The following NLRC5 variants were observed in gnomAD, a reference collection of about 807,000 sequenced individuals.
The protein encoded by NLRC5 is protein NLRC5.
A neutral mutation model predicts 206.9 loss-of-function variants in NLRC5; 114 were observed. The ratio of observed to expected loss-of-function variants is 0.55; its 90% CI spans 0.47 to 0.64. The LOEUF (loss-of-function observed/expected upper bound fraction) is 0.64. NLRC5 is among the 30% of genes least tolerant of loss of function. NLRC5 has a pLI of 0.00. For missense variants in NLRC5, 2,008 were observed against 2,305.5 expected (o/e 0.87, Z 2.64); for synonymous variants, 952 against 962.8 (o/e 0.99, Z 0.21).
At position 57,065,587 on chromosome 16, in the gene NLRC5, C is replaced by T. The variant is rs531478280; in HGVS notation, c.4241+289C>T. Among the ~76,000 whole-genome samples, 4 of 152,218 alleles carry T rather than the reference C, an allele frequency of 2.6e-5. No individual in the cohort carries two copies. The East Asian group carries it at 7.7e-4, about 29-fold the overall frequency. Reference sequence around the variant, plus strand: ...GTCCACGCTGGTTGCTTGGAAGTGGCCCCCCAGATGCAGTAACACACATTA... The same window carrying T: ...GTCCACGCTGGTTGCTTGGAAGTGGTCCCCCAGATGCAGTAACACACATTA... On this transcript the variant is annotated intron_variant, in intron 33 of 48. Coordinates refer to ENST00000688547, the MANE Select transcript of NLRC5 (RefSeq NM_001384950.1).
In NLRC5 at chr16:57,025,739, T is replaced by C. The variant is rs1260724292; in HGVS notation, c.796T>C (p.Leu266=). ...CCTTTTTGAATTCCGCCAGCTCAAC[T>C]TGATCACGAGGTTCCTGACACCGTC... ...LFLFEFRQLN[L]ITRFLTPSEL... is the part of the protein sequence containing the mutation. The change falls in exon 6 of 49, where the codon TTG becomes CTG. Residue 266 remains leucine (L), a synonymous_variant. Transcript: ENST00000688547. 1 of 1,614,208 alleles carries C rather than the reference T, an allele frequency of 6.2e-7. No individual in the cohort carries two copies. The highest frequency in any genetic ancestry group is 8.5e-7 in the Non-Finnish European group (1 of 1,180,024).
Position 57,082,737 on chromosome 16 carries a change from C to T in NLRC5, c.*209C>T, listed in dbSNP as rs1223266005. ...TGGGTCTGGACAAAGGAGTACCCTGCATTACGTGGGATATGTGTGATCAAT... is the reference window on the plus strand; with the variant it reads ...TGGGTCTGGACAAAGGAGTACCCTGTATTACGTGGGATATGTGTGATCAAT... On this transcript the variant is annotated 3_prime_UTR_variant, in exon 49 of 49. Transcript: ENST00000688547. 2 of 521,662 alleles carry T rather than the reference C, an allele frequency of 3.8e-6. No homozygotes were observed. Among genetic ancestry groups the T allele is most frequent in the Admixed American group, 3.5e-5 (1 of 28,764 alleles). The allele number at this position is 521,662 out of a possible 1,614,324, so 32.3% of individuals were successfully genotyped here.
intron 13 of NLRC5, among the ~76,000 whole-genome samples, chr16:57,035,438 C>G (rs754786334): frequency 6.6e-6 from 1 of 152,116 alleles, no homozygotes; most frequent in Non-Finnish European, 1.5e-5. Flanking sequence ...CAGAACCCTG[C>G]CCCCAGCCTC....
rs78845475 is a variant in NLRC5, at chr16:57,079,379, T to G, written c.5237+87T>G. ...ACTGAGCCTAACACCTGGGGAGGCC[T>G]TTGAAGTGATAGAAGCCCCAGGGAT... is the stretch of plus-strand genomic sequence containing the variant. On this transcript the variant is annotated intron_variant, in intron 45 of 48. Coordinates refer to ENST00000688547, the MANE Select transcript of NLRC5 (RefSeq NM_001384950.1). 2.5e-3 allele frequency: 3,653 copies of G among 1,481,044 alleles called. 47 individuals carry two copies. The African/African-American group carries it at 0.033, about 13-fold the overall frequency. The allele number at this position is 1,481,044 out of a possible 1,614,324, so 91.7% of individuals were successfully genotyped here. A position where few individuals can be genotyped will look rare whatever the true frequency, so the allele number is the denominator to read the frequency against.
At chr16:57,040,916 GC>G (rs1396258576) in intron 17 of NLRC5, among the ~76,000 whole-genome samples, 198 bp downstream of exon 17, 12 of 151,066 alleles carry the variant, frequency 7.9e-5, no homozygotes, top group Admixed American at 7.9e-4. Context: ...TCACAAGGCA[GC>G]CCCGTCAACC....
intron 46 of NLRC5, among the ~76,000 whole-genome samples, chr16:57,080,531 C>G (rs1206805527): frequency 3.8e-5 from 5 of 130,204 alleles, no homozygotes; most frequent in Non-Finnish European, 4.6e-5. Context: ...GTTACCCAGG[C>G]TGGAGTGCAG....
At chr16:57,075,268 G>A (rs976480993) in intron 39 of NLRC5, among the ~76,000 whole-genome samples, 6 of 151,462 alleles carry the variant, frequency 4.0e-5, no homozygotes, top group East Asian at 1.9e-4. Flanking sequence ...TGCCCAGGCT[G>A]GAGTGCAATG....
intron 39 of NLRC5, 78 bp from the exon 40 acceptor site, chr16:57,076,741 C>A: frequency 7.3e-7 from 1 of 1,361,582 alleles, no homozygotes; most frequent in Non-Finnish European, 1.1e-6. Context: ...GCTTTGCAAA[C>A]TGTAGAGTTC....
chr16:57,070,946 T>G (rs1198355723), intron 38 of NLRC5, among the ~76,000 whole-genome samples: 1 of 122,212 alleles, frequency 8.2e-6, no homozygotes, highest in Admixed American at 8.2e-5. Context: ...TGAGTTGTGT[T>G]GGTGGTTAAT....
At chr16:57,048,639 T>C (rs1423437156) in intron 23 of NLRC5, among the ~76,000 whole-genome samples, 6 of 152,166 alleles carry the variant, frequency 3.9e-5, no homozygotes, top group African/African-American at 1.4e-4. Flanking sequence ...GTTCAAGCAA[T>C]TCTCCTGCCT....
intron 19 of NLRC5, among the ~76,000 whole-genome samples, chr16:57,043,299 T>A (rs2063517811): frequency 6.6e-6 from 1 of 152,146 alleles, no homozygotes; most frequent in Non-Finnish European, 1.5e-5. Flanking sequence ...GTCACCAACA[T>A]GTCTCATAAC....
chr16:57,020,847 C>A lies in NLRC5; in HGVS notation c.135C>A (p.Asn45Lys). 6.2e-7 allele frequency: 1 copy of A among 1,613,622 alleles called. No homozygotes were observed. Among genetic ancestry groups the A allele is most frequent in the South Asian group, 1.1e-5 (1 of 91,034 alleles). The change falls in exon 3 of 49, where the codon AAC becomes AAA. Residue 45 changes from asparagine to lysine, a missense_variant. Asn to Lys is a moderately conservative substitution (Grantham distance 94). Coordinates refer to ENST00000688547, the MANE Select transcript of NLRC5 (RefSeq NM_001384950.1). The part of the protein sequence containing the change: ...FLPNTDLDSR[N>K]ETLDPEQRVI... Reference sequence around the variant, plus strand: ...CCAACACGGACCTGGATTCCAGGAACGAGACCTTGGACCCTGAACAGAGAG... The same window carrying A: ...CCAACACGGACCTGGATTCCAGGAAAGAGACCTTGGACCCTGAACAGAGAG...
chr16:57,079,524 C>T, intron 45 of NLRC5, 22 bp from the exon 46 acceptor site: 2 of 1,606,766 alleles, frequency 1.2e-6, no homozygotes, highest in Non-Finnish European at 8.5e-7. Context: ...CCATCCCATC[C>T]CATGCCCTTC....
At chr16:57,010,499 G>C (rs1266368748) in intron 1 of NLRC5, among the ~76,000 whole-genome samples, 2 of 152,074 alleles carry the variant, frequency 1.3e-5, no homozygotes, top group Non-Finnish European at 2.9e-5. Flanking sequence ...ACAGCCTCCC[G>C]ATTAGCTGGG....
rs1431527547 is a variant in NLRC5 at position 57,020,787 on chromosome 16, A to T, written c.75A>T (p.Pro25=). The change falls in exon 3 of 49, where the codon CCA becomes CCT. Residue 25 remains proline (P), a synonymous_variant. Transcript: ENST00000688547. ...SCLVRLLTKD[P]EWLNAKMKFF... ...TTGTGAGGCTGCTCACCAAAGACCCAGAATGGCTGAACGCCAAGATGAAGT... is the reference window on the plus strand; with the variant it reads ...TTGTGAGGCTGCTCACCAAAGACCCTGAATGGCTGAACGCCAAGATGAAGT... 6 of 1,613,244 alleles carry T rather than the reference A, an allele frequency of 3.7e-6. No homozygotes were observed. Among genetic ancestry groups the T allele is most frequent in the Non-Finnish European group, 5.1e-6 (6 of 1,179,894 alleles).
intron 38 of NLRC5, among the ~76,000 whole-genome samples, chr16:57,073,648 C>T (rs149627): frequency 0.56 from 84,875 of 151,692 alleles, 24,296 homozygotes; most frequent in Non-Finnish European, 0.62. Context: ...GGCTGGAGTG[C>T]AGTGGCACAG....
Position 57,082,407 on chromosome 16 carries a change from T to TGCC in NLRC5, c.5490-9_5490-7dup. 6.3e-7 allele frequency: 1 copy of TGCC among 1,598,902 alleles called. No individual in the cohort carries two copies. Among genetic ancestry groups the TGCC allele is most frequent in the South Asian group, 1.1e-5 (1 of 89,822 alleles). ...GAGGATGAATGAGTGCCTATATCTG[T>TGCC]GCCCCACAGCCTCTGGAATAACCCC... On this transcript the variant is annotated splice_polypyrimidine_tract_variant and intron_variant, in intron 48 of 48. Coordinates refer to ENST00000688547, the MANE Select transcript of NLRC5 (RefSeq NM_001384950.1).
At chr16:57,003,099 G>T (rs997805496) in intron 1 of NLRC5, among the ~76,000 whole-genome samples, 2 of 151,170 alleles carry the variant, frequency 1.3e-5, no homozygotes, top group African/African-American at 4.9e-5. Context: ...TCGCTCTGTC[G>T]CCCAGACTGG....
At chr16:57,079,451 CT>C in intron 45 of NLRC5, 94 bp from the exon 46 acceptor site, 1 of 1,383,970 alleles carries the variant, frequency 7.2e-7, no homozygotes, top group Non-Finnish European at 1.0e-6. Flanking sequence ...AAACGCCTAG[CT>C]TACCCCAGAC....
Sources: gnomAD v4.1 joint callset for allele counts (sites outside exome capture counted in the v4.1 genomes callset) on GRCh38, gnomAD v4.1.1 for gene constraint, MANE v1.5 for transcripts, NCBI Gene and HGNC (gene_info 2026-07-23, HGNC 2026-07-21) for gene names.